The following RSBN1L variants were observed in gnomAD, a reference collection of about 807,000 sequenced individuals.
The protein encoded by RSBN1L is lysine-specific demethylase RSBN1L.
RSBN1L carries 30 observed loss-of-function variants against 67.7 expected under a neutral mutation model. That is an observed-to-expected ratio of 0.44 (90% confidence interval 0.33 to 0.60). The LOEUF (loss-of-function observed/expected upper bound fraction) is 0.60, where lower values mean the gene tolerates loss of function less well. RSBN1L is among the 20% of genes least tolerant of loss of function. The probability of loss-of-function intolerance (pLI) is 0.02; values close to 1 mark genes in which losing one functional copy is unlikely to be tolerated. For synonymous variants in RSBN1L, 433 were observed against 387.0 expected (o/e 1.12, Z -1.39); for missense variants, 992 against 1,031.7 (o/e 0.96, Z 0.53).
At chr7:77,763,661 A>G (rs945765335) in intron 3 of RSBN1L, among the ~76,000 whole-genome samples, 14 of 152,214 alleles carry the variant, frequency 9.2e-5, no homozygotes, top group Non-Finnish European at 2.1e-4. Context: ...GACAATGAGC[A>G]TACAATGGGG....
rs551077986 is a variant in RSBN1L, at chr7:77,709,756, C to G, written c.586+12701C>G. ...TTGGTTTTGGGCCCTTTGTACTCTT[C>G]TTTCTGGCTTTTGCTAATTGCCCTG... On this transcript the variant is annotated intron_variant, in intron 1 of 7. Coordinates refer to ENST00000334955, the MANE Select transcript of RSBN1L (RefSeq NM_198467.3). Among the ~76,000 whole-genome samples, 9 of 152,280 alleles carry G rather than the reference C, an allele frequency of 5.9e-5. No individual in the cohort carries two copies. In the East Asian group the frequency reaches 1.5e-3, roughly 26 times the overall value.
chr7:77,697,437 T>G (rs930477426), intron 1 of RSBN1L: 29 of 177,952 alleles, frequency 1.6e-4, no homozygotes, highest in African/African-American at 6.6e-4. Flanking sequence ...GTTAGACCAC[T>G]TAGACGTGGT....
rs139848899 is a variant in RSBN1L at position 77,776,669 on chromosome 7, C to G, written c.1794-1669C>G. Among the ~76,000 whole-genome samples, 400 of 152,184 alleles carry G rather than the reference C, an allele frequency of 2.6e-3. 2 individuals carry two copies. The highest frequency in any genetic ancestry group is 9.1e-3 in the African/African-American group (377 of 41,522). Reference sequence around the variant, plus strand: ...GCCCCTTTTTTCATTATAAAGTGCCCTTTTTATCCTTGGTAATATTCCTTG... The same window carrying G: ...GCCCCTTTTTTCATTATAAAGTGCCGTTTTTATCCTTGGTAATATTCCTTG... On this transcript the variant is annotated intron_variant, in intron 6 of 7. Transcript: ENST00000334955.
In RSBN1L at chr7:77,696,568, C is replaced by T. The variant is rs1284556366; in HGVS notation, c.99C>T (p.Ser33=). The change falls in exon 1 of 8, where the codon TCC becomes TCT. Residue 33 remains serine, a synonymous_variant. Coordinates refer to ENST00000334955, the MANE Select transcript of RSBN1L (RefSeq NM_198467.3). ...CGTTTGGCAAGCTGCAACTCTCCTC[C>T]CGGGACCCTCCGGGTTCTCTGTCCG... ...KEPFGKLQLS[S]RDPPGSLSAK... 5 of 1,614,152 alleles carry T rather than the reference C, an allele frequency of 3.1e-6. No individual in the cohort carries two copies. The South Asian group carries it at 3.3e-5, about 11-fold the overall frequency.
chr7:77,709,958 C>G (rs988428769), intron 1 of RSBN1L, among the ~76,000 whole-genome samples: 1 of 152,126 alleles, frequency 6.6e-6, no homozygotes, highest in African/African-American at 2.4e-5. Context: ...TATGTATGTT[C>G]CTTGTCTCAG....
chr7:77,777,544 G>A (rs976222325), intron 6 of RSBN1L, among the ~76,000 whole-genome samples: 4 of 151,914 alleles, frequency 2.6e-5, no homozygotes, highest in African/African-American at 9.7e-5. Flanking sequence ...TACTTTAAAA[G>A]TAGTCCATTC....
At chr7:77,775,872 A>G (rs1370704430) in intron 6 of RSBN1L, among the ~76,000 whole-genome samples, 1 of 152,174 alleles carries the variant, frequency 6.6e-6, no homozygotes, top group Non-Finnish European at 1.5e-5. Context: ...CCTGGGCAAC[A>G]TGGTGAAACC....
intron 6 of RSBN1L, 59 bp downstream of exon 6, chr7:77,773,373 G>A: frequency 7.8e-7 from 1 of 1,277,324 alleles, no homozygotes; most frequent in Non-Finnish European, 1.0e-6. Flanking sequence ...AATTTTTCTT[G>A]GAAAATCTTA....
intron 1 of RSBN1L, among the ~76,000 whole-genome samples, chr7:77,730,740 G>A (rs1791262636): frequency 1.3e-5 from 2 of 152,068 alleles, no homozygotes. Flanking sequence ...CTTCTTTTTA[G>A]TGCTGAAGAA....
chr7:77,725,244 CTTTTTT>C (rs779531960), intron 1 of RSBN1L, among the ~76,000 whole-genome samples: 2 of 73,642 alleles, frequency 2.7e-5, no homozygotes, highest in African/African-American at 6.7e-5. Flanking sequence ...AAGCCCCCCA[CTTTTTT>C]TTTTTTTTTT....
At chr7:77,775,122 T>G (rs7807804) in intron 6 of RSBN1L, among the ~76,000 whole-genome samples, 1 of 152,208 alleles carries the variant, frequency 6.6e-6, no homozygotes, top group Non-Finnish European at 1.5e-5. Flanking sequence ...TGGCCTATTT[T>G]AAAATTTTTT....
At chr7:77,732,042 G>C (rs1377243589) in intron 1 of RSBN1L, among the ~76,000 whole-genome samples, 1 of 152,032 alleles carries the variant, frequency 6.6e-6, no homozygotes, top group African/African-American at 2.4e-5. Flanking sequence ...TAAATAAAAT[G>C]TGTAATCCTT....
intron 2 of RSBN1L, among the ~76,000 whole-genome samples, chr7:77,741,065 T>C (rs545492047): frequency 3.3e-5 from 5 of 150,884 alleles, no homozygotes; most frequent in African/African-American, 1.2e-4. Context: ...GGGCTCACTG[T>C]AACCTCTGTT....
At chr7:77,702,890 A>T (rs764487730) in intron 1 of RSBN1L, among the ~76,000 whole-genome samples, 1 of 152,042 alleles carries the variant, frequency 6.6e-6, no homozygotes, top group Non-Finnish European at 1.5e-5. Context: ...TACCAATTTT[A>T]TTGGATTGGG....
intron 3 of RSBN1L, among the ~76,000 whole-genome samples, chr7:77,759,332 T>C (rs907841101): frequency 5.9e-5 from 9 of 152,220 alleles, no homozygotes; most frequent in African/African-American, 2.2e-4. Flanking sequence ...ATCAAAAAGC[T>C]TTCCCCCTTT....
At chr7:77,730,089 G>C (rs928613354) in intron 1 of RSBN1L, among the ~76,000 whole-genome samples, 39 of 151,942 alleles carry the variant, frequency 2.6e-4, no homozygotes, top group African/African-American at 9.2e-4. Context: ...TTTCTTTTTT[G>C]TTCTGGGTTG....
At chr7:77,740,185 A>G (rs1351252660) in intron 2 of RSBN1L, among the ~76,000 whole-genome samples, 1 of 152,236 alleles carries the variant, frequency 6.6e-6, no homozygotes, top group Non-Finnish European at 1.5e-5. Context: ...AATAGTTTAA[A>G]GGAACAAATA....
chr7:77,768,568 AGT>A, intron 4 of RSBN1L, 91 bp from the exon 5 acceptor site: 2 of 1,057,346 alleles, frequency 1.9e-6, no homozygotes, highest in Non-Finnish European at 1.4e-6. Flanking sequence ...TGTGTATGAA[AGT>A]GTGTTTGTCA....
At chr7:77,771,307 A>T (rs1326858877) in intron 5 of RSBN1L, among the ~76,000 whole-genome samples, 1 of 152,148 alleles carries the variant, frequency 6.6e-6, no homozygotes, top group African/African-American at 2.4e-5. Flanking sequence ...GGTTACGGTG[A>T]TTATTAAGTT....
Sources: allele counts gnomAD v4.1 joint callset (sites outside exome capture counted in the v4.1 genomes callset), GRCh38; gene constraint gnomAD v4.1.1; transcripts MANE v1.5; gene names NCBI Gene and HGNC (gene_info 2026-07-23, HGNC 2026-07-21).